Variants in A1CF observed in about 807,000 individuals in gnomAD.
A1CF encodes the protein APOBEC1 complementation factor, also known as APOBEC-1 stimulating protein.
A1CF carries 48 observed loss-of-function variants against 68.9 expected under a neutral mutation model. The observed-to-expected ratio is 0.70, with a 90% CI of 0.55 to 0.89. The LOEUF (loss-of-function observed/expected upper bound fraction) is 0.89, where lower values mean the gene tolerates loss of function less well. Among genes scored for constraint, A1CF ranks in the 40% least tolerant of loss-of-function variants. The pLI is 0.00. For synonymous variants in A1CF, 272 were observed against 260.4 expected, an observed-to-expected ratio of 1.04 and a Z score of -0.43; for missense variants, 653 against 718.9, an observed-to-expected ratio of 0.91 and a Z score of 1.05.
intron 1 of A1CF, among the ~76,000 whole-genome samples, chr10:50,873,536 T>G (rs1037915107): frequency 2.0e-5 from 3 of 152,218 alleles, no homozygotes; most frequent in Non-Finnish European, 4.4e-5. Context: ...TTTTATTCTT[T>G]AATTTTTTGT....
At position 50,863,671 on chromosome 10, in the gene A1CF, C is replaced by T. The variant is rs576074002; in HGVS notation, c.-46+362G>A. Among the ~76,000 whole-genome samples, 35 of 152,016 alleles carry T rather than the reference C, an allele frequency of 2.3e-4. 1 individual carries two copies. The South Asian group carries it at 6.8e-3, about 30-fold the overall frequency. Reference sequence around the variant, plus strand: ...ATAAATAAGATCAATAAGTAGAATACAAAAAGTGGATCTCATGGAGGTTAA... The same window carrying T: ...ATAAATAAGATCAATAAGTAGAATATAAAAAGTGGATCTCATGGAGGTTAA... On this transcript the variant is annotated intron_variant, in intron 2 of 12. Transcript: ENST00000373997.
At chr10:50,830,753 A>C (rs1839199248) in intron 6 of A1CF, among the ~76,000 whole-genome samples, 1 of 152,212 alleles carries the variant, frequency 6.6e-6, no homozygotes, top group African/African-American at 2.4e-5. Context: ...TTTCACAGAA[A>C]TAGAAAATAC....
chr10:50,869,441 G>A lies in A1CF; in HGVS notation c.-93-5361C>T, dbSNP rs182067284. Among the ~76,000 whole-genome samples, 584 of 152,056 alleles carry A rather than the reference G, an allele frequency of 3.8e-3. 2 individuals are homozygous for A. Among genetic ancestry groups the A allele is most frequent in the African/African-American group, 0.012 (480 of 41,490 alleles). On this transcript the variant is annotated intron_variant, in intron 1 of 12. Transcript: ENST00000373997. ...CCAATGCAGAGAAAAATTCAATTTC[G>A]AATGCATTATCTTGAGCTCTTTTAT...
In A1CF at chr10:50,829,944, C is replaced by G. The variant is rs562255218; in HGVS notation, c.605-1649G>C. Among the ~76,000 whole-genome samples, 62 of 152,260 alleles carry G rather than the reference C, an allele frequency of 4.1e-4. 1 individual carries two copies. The South Asian group carries it at 0.012, about 28-fold the overall frequency. On this transcript the variant is annotated intron_variant, in intron 6 of 12. Transcript: ENST00000373997. The stretch of plus-strand genomic sequence containing the variant: ...TATAATTGATCAATCAAAATTGCAT[C>G]TATTTGTGGTATACAACATGATGTT...
chr10:50,863,876 C>T (rs899735249), intron 2 of A1CF, among the ~76,000 whole-genome samples, 157 bp downstream of exon 2: 1 of 151,928 alleles, frequency 6.6e-6, no homozygotes, highest in Non-Finnish European at 1.5e-5. Flanking sequence ...TATAATGTTC[C>T]AAACATAAAG....
At chr10:50,874,821 T>G (rs1177137241) in intron 1 of A1CF, among the ~76,000 whole-genome samples, 2 of 152,132 alleles carry the variant, frequency 1.3e-5, no homozygotes, top group African/African-American at 4.8e-5. Context: ...CAGGTGCCAA[T>G]AGCCATGACA....
intron 3 of A1CF, among the ~76,000 whole-genome samples, chr10:50,857,605 C>T (rs1840546710): frequency 6.6e-6 from 1 of 152,136 alleles, no homozygotes. Context: ...GTCATTTTGC[C>T]TAAAGCAGGA....
At chr10:50,846,531 T>C (rs1433663638) in intron 3 of A1CF, among the ~76,000 whole-genome samples, 1 of 152,214 alleles carries the variant, frequency 6.6e-6, no homozygotes, top group Non-Finnish European at 1.5e-5. Context: ...GTGGTATTTT[T>C]ACCCTTCAAG....
At chr10:50,808,477 G>C (rs1837939018) in intron 12 of A1CF, among the ~76,000 whole-genome samples, 1 of 152,242 alleles carries the variant, frequency 6.6e-6, no homozygotes, top group African/African-American at 2.4e-5. Context: ...GCAGCTTTCT[G>C]TAAGACAGGG....
intron 6 of A1CF, 93 bp from the exon 7 acceptor site, chr10:50,828,388 C>A: frequency 9.5e-7 from 1 of 1,053,176 alleles, no homozygotes; most frequent in South Asian, 2.4e-5. Flanking sequence ...TTGACCTGAC[C>A]CTTGAGGTCT....
At chr10:50,835,009 T>C (rs1839421486) in intron 6 of A1CF, among the ~76,000 whole-genome samples, 1 of 152,182 alleles carries the variant, frequency 6.6e-6, no homozygotes, top group Non-Finnish European at 1.5e-5. Context: ...TTAGTGAGTC[T>C]ATCTATGGAC....
At chr10:50,819,674 C>T (rs1267872567) in intron 8 of A1CF, among the ~76,000 whole-genome samples, 1 of 152,164 alleles carries the variant, frequency 6.6e-6, no homozygotes, top group Non-Finnish European at 1.5e-5. Context: ...AGCCAAGTTA[C>T]TCCACATTTT....
At chr10:50,863,368 A>G (rs1213324896) in intron 2 of A1CF, among the ~76,000 whole-genome samples, 1 of 152,208 alleles carries the variant, frequency 6.6e-6, no homozygotes, top group Non-Finnish European at 1.5e-5. Flanking sequence ...CTAATTTAGC[A>G]CCTTGTAAGT....
At position 50,806,827 on chromosome 10, in the gene A1CF, C is replaced by G; in HGVS notation, c.1663G>C (p.Ala555Pro). 1 of 1,613,660 alleles carries G rather than the reference C, an allele frequency of 6.2e-7. No individual in the cohort carries two copies. Among genetic ancestry groups the G allele is most frequent in the Non-Finnish European group, 8.5e-7 (1 of 1,179,732 alleles). ...GCTAAGTCTTGTCCAAGGGTTACCGCTTGCTTGAGCTGGGCTGCAGACACG... is the reference window on the plus strand; with the variant it reads ...GCTAAGTCTTGTCCAAGGGTTACCGGTTGCTTGAGCTGGGCTGCAGACACG... ...APVSAAQLKQ[A>P]VTLGQDLAAY... is the part of the protein sequence containing the mutation. The change falls in exon 13 of 13, where the codon GCG (alanine) becomes CCG (proline). Residue 555 changes from alanine (A) to proline (P), a missense_variant. Physicochemically the swap from Ala to Pro is conservative, Grantham distance 27 (BLOSUM62 -1). Coordinates refer to ENST00000373997, the MANE Select transcript of A1CF (RefSeq NM_014576.4).
chr10:50,815,996 C>A lies in A1CF; in HGVS notation c.1141+10G>T. ...GGGATTACTCTAAAGCAAGATCTGA[C>A]TGGTGTTACCTCTAACAGAAGGGGC... On this transcript the variant is annotated intron_variant, in intron 9 of 12. Coordinates refer to ENST00000373997, the MANE Select transcript of A1CF (RefSeq NM_014576.4). 1 of 1,612,274 alleles carries A rather than the reference C, an allele frequency of 6.2e-7. No individual in the cohort carries two copies. The highest frequency in any genetic ancestry group is 8.5e-7 in the Non-Finnish European group (1 of 1,178,712).
intron 6 of A1CF, among the ~76,000 whole-genome samples, chr10:50,830,147 AT>A (rs1839170365): frequency 6.6e-6 from 1 of 152,174 alleles, no homozygotes; most frequent in African/African-American, 2.4e-5. Flanking sequence ...ATTCATTTTA[AT>A]GGAAACTTTG....
At position 50,801,418 on chromosome 10, in the gene A1CF, G is replaced by A. The variant is rs1018164829; in HGVS notation, c.*5311C>T. On this transcript the variant is annotated 3_prime_UTR_variant, in exon 13 of 13. Transcript: ENST00000373997. ...GGTGTGTGTGTGTGTGTTGGGGGCA[G>A]ACACTGTATAATTTGTTGTCTAAAC... 2.0e-5 allele frequency: 3 copies of A among 152,186 alleles called. No homozygotes were observed. Among genetic ancestry groups the A allele is most frequent in the Non-Finnish European group, 2.9e-5 (2 of 68,052 alleles). 9.4% of individuals were successfully genotyped at this position (152,186 alleles called of 1,614,324 possible).
chr10:50,841,745 A>G, intron 5 of A1CF, 117 bp downstream of exon 5: 1 of 1,226,112 alleles, frequency 8.2e-7, no homozygotes, highest in Non-Finnish European at 1.1e-6. Flanking sequence ...ATACTAATCT[A>G]TTTCATTTCT....
chr10:50,860,192 C>CAA (rs145675211), intron 2 of A1CF, among the ~76,000 whole-genome samples: 3 of 150,134 alleles, frequency 2.0e-5, no homozygotes, highest in African/African-American at 7.3e-5. Context: ...AATTTAGAAA[C>CAA]AAAAAAAAAT....
Sources: allele counts gnomAD v4.1 joint callset (sites outside exome capture counted in the v4.1 genomes callset), GRCh38; gene constraint gnomAD v4.1.1; transcripts MANE v1.5; gene names NCBI Gene and HGNC (gene_info 2026-07-23, HGNC 2026-07-21).